The following CRMP1 variants were observed in gnomAD, a reference collection of about 807,000 sequenced individuals.
CRMP1 encodes collapsin response mediator protein 1.
Under a neutral mutation model 68.3 loss-of-function variants are expected in CRMP1, and 19 were observed. The observed-to-expected ratio is 0.28, with a 90% CI of 0.19 to 0.41. CRMP1 has a LOEUF of 0.41. Among genes scored for constraint, CRMP1 ranks in the 10% least tolerant of loss-of-function variants. The pLI, the probability that CRMP1 is intolerant of heterozygous loss-of-function variation, is 1.00. For missense variants in CRMP1, 791 were observed against 967.4 expected (o/e 0.82, Z 2.42); for synonymous variants, 439 against 399.6 (o/e 1.10, Z -1.18).
At position 5,835,925 on chromosome 4, in the gene CRMP1, C is replaced by T; in HGVS notation, c.1613G>A (p.Ser538Asn). Residue 538 changes from serine to asparagine, a missense_variant, in exon 11 of 14, where the codon AGT becomes AAT. Physicochemically the swap from Ser to Asn is conservative, Grantham distance 46. Around this residue, in one of 3 missense-constraint regions of CRMP1, gnomAD observed 594 missense variants for 763.6 expected, o/e 0.78. Coordinates refer to ENST00000324989, the MANE Select transcript of CRMP1 (RefSeq NM_001014809.3). ...PDKLKTITAK[S>N]HKSAVEYNIF... is the part of the protein sequence containing the mutation. ...TAGGCCAGGACTTACCGACTTGTGA[C>T]TTTTGGCTGTTATGGTCTTCAACTT... is the stretch of plus-strand genomic sequence containing the variant. The T allele has an allele frequency of 6.4e-7, 1 of 1,551,848 alleles. No individual in the cohort carries two copies. Among genetic ancestry groups the T allele is most frequent in the Non-Finnish European group, 8.7e-7 (1 of 1,151,974 alleles).
chr4:5,845,303 C>T (rs1277004906), intron 6 of CRMP1, among the ~76,000 whole-genome samples: 1 of 152,184 alleles, frequency 6.6e-6, no homozygotes, highest in Non-Finnish European at 1.5e-5. Context: ...CTGTCACTCC[C>T]GAGGTCAGGT....
At chr4:5,863,175 T>C (rs1713718213) in intron 2 of CRMP1, among the ~76,000 whole-genome samples, 1 of 151,248 alleles carries the variant, frequency 6.6e-6, no homozygotes, top group African/African-American at 2.4e-5. Context: ...GCCAGAGTCC[T>C]AAGATGCTTG....
At chr4:5,852,988 G>A (rs1353308361) in intron 4 of CRMP1, among the ~76,000 whole-genome samples, 1 of 152,100 alleles carries the variant, frequency 6.6e-6, no homozygotes, top group Admixed American at 6.6e-5. Flanking sequence ...GCAGGGGGCT[G>A]GGGCTCTGGG....
chr4:5,867,881 T>C (rs1256176110), intron 1 of CRMP1, among the ~76,000 whole-genome samples: 1 of 152,108 alleles, frequency 6.6e-6, no homozygotes, highest in Non-Finnish European at 1.5e-5. Context: ...TAAATGGATG[T>C]GTCATTAGAG....
Position 5,839,700 on chromosome 4 carries a change from C to T in CRMP1, c.1154-22G>A, listed in dbSNP as rs777224015. 4.4e-6 allele frequency: 7 copies of T among 1,602,326 alleles called. No homozygotes were observed. The South Asian group carries it at 5.6e-5, about 13-fold the overall frequency. On this transcript the variant is annotated intron_variant, in intron 8 of 13. Transcript: ENST00000324989. ...GGCCCTTAGGAGGGGAAAACATAAG[C>T]CTGGTTAAAAGCAAATACTCTCTTG...
chr4:5,857,564 G>T (rs1041435629), intron 3 of CRMP1, among the ~76,000 whole-genome samples: 1 of 152,120 alleles, frequency 6.6e-6, no homozygotes, highest in African/African-American at 2.4e-5. Flanking sequence ...GTCAGATAAT[G>T]CCACAAAAGC....
intron 1 of CRMP1, chr4:5,887,628 G>C (rs905162177): frequency 3.0e-6 from 3 of 985,080 alleles, no homozygotes; most frequent in South Asian, 4.7e-5. Flanking sequence ...AACCCTTCCC[G>C]GGCCGCAGCC....
intron 1 of CRMP1, among the ~76,000 whole-genome samples, chr4:5,871,516 C>T (rs1210636202): frequency 3.3e-5 from 5 of 152,042 alleles, no homozygotes; most frequent in African/African-American, 9.6e-5. Context: ...AAAAATTAGC[C>T]GGGCGTGGTG....
chr4:5,836,651 T>C (rs1720747709), intron 10 of CRMP1, 114 bp downstream of exon 10: 2 of 1,499,728 alleles, frequency 1.3e-6, no homozygotes, highest in East Asian at 4.5e-5. Context: ...GTATATCTGC[T>C]TCCGCCTCCA....
Position 5,842,614 on chromosome 4 carries a change from ACACTCACTCACACACACACACACGCACT to A in CRMP1, c.1032+451_1032+478del, listed in dbSNP as rs1560496141. On this transcript the variant is annotated intron_variant, in intron 7 of 13. Coordinates refer to ENST00000324989, the MANE Select transcript of CRMP1 (RefSeq NM_001014809.3). This position sits in a 1 kb window ranked among gnomAD's most constrained non-coding sequence, Gnocchi z 4.5. The stretch of plus-strand genomic sequence containing the variant: ...CACACTCTCTCACACACACACACAC[ACACTCACTCACACACACACACACGCACT>A]GTCTCTCTCACACACACACACTAAC... 7.0e-6 allele frequency among the ~76,000 whole-genome samples: 1 copy of A among 143,156 alleles called. No individual in the cohort carries two copies. The highest frequency in any genetic ancestry group is 1.5e-5 in the Non-Finnish European group (1 of 64,876). The allele number at this position is 143,156 out of a possible 152,430, so 93.9% of individuals were successfully genotyped here. A position where few individuals can be genotyped will look rare whatever the true frequency, so the allele number is the denominator to read the frequency against.
chr4:5,884,345 C>G (rs1280937997), intron 1 of CRMP1, among the ~76,000 whole-genome samples: 1 of 152,036 alleles, frequency 6.6e-6, no homozygotes, highest in Non-Finnish European at 1.5e-5. Context: ...TTTACTTGAT[C>G]CTTCTTTCCT....
chr4:5,884,482 G>GCCACACACA (rs10693829), intron 1 of CRMP1, among the ~76,000 whole-genome samples: 1 of 150,204 alleles, frequency 6.7e-6, no homozygotes, highest in East Asian at 2.0e-4. Flanking sequence ...AACTATGCAT[G>GCCACACACA]CACACACACA....
chr4:5,892,861 C>A lies in CRMP1; in HGVS notation c.109G>T (p.Ala37Ser). ...TTCTCGTAGGCGCCCTCCACCGCGG[C>A]GAACATGCCGCCGTACTTCTGGCGC... ...TPRQKYGGMF[A>S]AVEGAYENKT... Residue 37 changes from alanine (A) to serine (S), a missense_variant, in exon 1 of 14, where the codon GCC becomes TCC. This residue lies in a region of CRMP1 where 193 missense variants were observed against 186.3 expected (regional missense o/e 1.04). Transcript: ENST00000324989. The surrounding 1 kb of genome is among the most constrained non-coding windows in gnomAD (Gnocchi z 8.6). 7.1e-7 allele frequency: 1 copy of A among 1,416,410 alleles called. No individual in the cohort carries two copies. The highest frequency in any genetic ancestry group is 9.3e-7 in the Non-Finnish European group (1 of 1,074,278). 87.7% of individuals were successfully genotyped at this position (1,416,410 alleles called of 1,614,324 possible). A position where few individuals can be genotyped will look rare whatever the true frequency, so the allele number is the denominator to read the frequency against.
Position 5,846,757 on chromosome 4 carries a change from A to ATTTTTTTTTTT in CRMP1, c.963+2624_963+2634dup, listed in dbSNP as rs71171490. ...AGGCACCCGCCACCATGCCCGGCTA[A>ATTTTTTTTTTT]TTTTTTTTTTTTTTTTTTTTTTTTT... On this transcript the variant is annotated intron_variant, in intron 6 of 13. Coordinates refer to ENST00000324989, the MANE Select transcript of CRMP1 (RefSeq NM_001014809.3). 1.7e-4 allele frequency among the ~76,000 whole-genome samples: 9 copies of ATTTTTTTTTTT among 53,742 alleles called. 2 individuals carry two copies. Among genetic ancestry groups the ATTTTTTTTTTT allele is most frequent in the African/African-American group, 8.7e-4 (8 of 9,182 alleles). 35.3% of individuals were successfully genotyped at this position (53,742 alleles called of 152,430 possible). A position where few individuals can be genotyped will look rare whatever the true frequency, so the allele number is the denominator to read the frequency against.
intron 4 of CRMP1, 106 bp from the exon 5 acceptor site, chr4:5,851,575 A>G: frequency 8.9e-7 from 1 of 1,126,392 alleles, no homozygotes; most frequent in Non-Finnish European, 1.3e-6. Flanking sequence ...GCCAGGAGAG[A>G]TGAGTGCCAT....
rs767034446 is a variant in CRMP1 at position 5,841,447 on chromosome 4, G to A, written c.1033-19C>T. Reference sequence around the variant, plus strand: ...CCTCCAGCTGAACACGGCACACACAGTGTCACAGGAGGGAAGGCTGGTGTA... The same window carrying A: ...CCTCCAGCTGAACACGGCACACACAATGTCACAGGAGGGAAGGCTGGTGTA... On this transcript the variant is annotated intron_variant, in intron 7 of 13. Coordinates refer to ENST00000324989, the MANE Select transcript of CRMP1 (RefSeq NM_001014809.3). The surrounding 1 kb of genome is among the most constrained non-coding windows in gnomAD (Gnocchi z 6.9). 2 of 1,613,100 alleles carry A rather than the reference G, an allele frequency of 1.2e-6. No individual in the cohort carries two copies. The highest frequency in any genetic ancestry group is 4.5e-5 in the East Asian group (2 of 44,836).
Position 5,883,316 on chromosome 4 carries a change from G to T in CRMP1, c.381+9273C>A, listed in dbSNP as rs9994164. The stretch of plus-strand genomic sequence containing the variant: ...TCTTTCTCTTTCTTTCTTCTTTTTT[G>T]TTTGAGAGAGTCTCATTCTGTCGCC... On this transcript the variant is annotated intron_variant, in intron 1 of 13. Coordinates refer to ENST00000324989, the MANE Select transcript of CRMP1 (RefSeq NM_001014809.3). The surrounding 1 kb of genome is among the most constrained non-coding windows in gnomAD (Gnocchi z 4.5). Among the ~76,000 whole-genome samples, 81,493 of 142,162 alleles carry T rather than the reference G, an allele frequency of 0.57. 22,546 individuals are homozygous for T. The highest frequency in any genetic ancestry group is 0.75 in the East Asian group (3,725 of 4,938). 93.3% of individuals were successfully genotyped at this position (142,162 alleles called of 152,430 possible). A position where few individuals can be genotyped will look rare whatever the true frequency, so the allele number is the denominator to read the frequency against.
At chr4:5,887,169 C>G (rs183500135) in intron 1 of CRMP1, among the ~76,000 whole-genome samples, 6 of 146,930 alleles carry the variant, frequency 4.1e-5, no homozygotes, top group Admixed American at 3.4e-4. Flanking sequence ...AAGAAACAGG[C>G]CTGCAATACA....
chr4:5,890,902 GGAA>G lies in CRMP1; in HGVS notation c.381+1684_381+1686del, dbSNP rs997412244. Among the ~76,000 whole-genome samples, 38 of 152,210 alleles carry G rather than the reference GGAA, an allele frequency of 2.5e-4. No homozygotes were observed. The highest frequency in any genetic ancestry group is 8.7e-4 in the African/African-American group (36 of 41,558). On this transcript the variant is annotated intron_variant, in intron 1 of 13. Coordinates refer to ENST00000324989, the MANE Select transcript of CRMP1 (RefSeq NM_001014809.3). This position sits in a 1 kb window ranked among gnomAD's most constrained non-coding sequence, Gnocchi z 5.5. ...ACTCCACCACGCTTTGAGGAAGGCC[GGAA>G]GAAGACGGCCACCCCCATCTGACAG...
Sources: allele counts gnomAD v4.1 joint callset (sites outside exome capture counted in the v4.1 genomes callset), GRCh38; gene constraint gnomAD v4.1.1; regional missense constraint gnomAD v4.1.1; non-coding constraint Gnocchi (gnomAD v3.1); transcripts MANE v1.5; gene names NCBI Gene and HGNC (gene_info 2026-07-23, HGNC 2026-07-21).